The following OR51B5 variants were observed in gnomAD, a reference collection of about 807,000 sequenced individuals.
OR51B5 encodes olfactory receptor family 51 subfamily B member 5, also known as olfactory receptor 51B5.
For synonymous variants in OR51B5, 186 were observed against 144.8 expected, an observed-to-expected ratio of 1.28 and a Z score of -2.04; for missense variants, 456 against 374.6, an observed-to-expected ratio of 1.22 and a Z score of -1.79.
At chr11:5,468,590 A>C (rs1314752306) in intron 1 of OR51B5, 1 of 446,374 alleles carries the variant, frequency 2.2e-6, no homozygotes, top group Non-Finnish European at 4.5e-6. Context: ...AAGAGACATG[A>C]ACTTGTGCAC....
rs1435161376 is a variant in OR51B5, at chr11:5,422,881, C to A, written n.85-75971G>T. 4.3e-6 allele frequency: 7 copies of A among 1,614,108 alleles called. No homozygotes were observed. The East Asian group carries it at 1.3e-4, about 31-fold the overall frequency. ...CCTATACACTTATTCTGAAAAATAT[C>A]TTGGGCACAGCCACCTGGGCTGAGC... On this transcript the variant is annotated intron_variant and non_coding_transcript_variant, in intron 1 of 4. Coordinates refer to the OR51B5 transcript ENST00000415970.
chr11:5,431,964 C>T (rs959286252), intron 1 of OR51B5, among the ~76,000 whole-genome samples: 1 of 152,106 alleles, frequency 6.6e-6, no homozygotes, highest in Non-Finnish European at 1.5e-5. Flanking sequence ...AATGTATAAT[C>T]GTCAAGTCGA....
At chr11:5,389,373 T>C in intron 1 of OR51B5, 5 of 1,601,858 alleles carry the variant, frequency 3.1e-6, no homozygotes, top group Non-Finnish European at 4.3e-6. Flanking sequence ...GAAATATCCA[T>C]TTATTTTCAG....
chr11:5,353,130 G>A (rs1189667471), intron 1 of OR51B5, among the ~76,000 whole-genome samples: 2 of 151,988 alleles, frequency 1.3e-5, no homozygotes, highest in African/African-American at 4.8e-5. Context: ...TTCAATGAGA[G>A]TAAGCCATTT....
intron 1 of OR51B5, among the ~76,000 whole-genome samples, chr11:5,388,244 A>T (rs908773794): frequency 1.3e-5 from 2 of 152,120 alleles, no homozygotes; most frequent in African/African-American, 4.8e-5. Context: ...TATTAAAATT[A>T]AAAAAGAGAC....
At chr11:5,480,685 G>C (rs1005713904) in intron 1 of OR51B5, among the ~76,000 whole-genome samples, 4 of 151,110 alleles carry the variant, frequency 2.6e-5, no homozygotes, top group African/African-American at 7.3e-5. Flanking sequence ...TATCACCACC[G>C]ATCCCACAGA....
intron 1 of OR51B5, among the ~76,000 whole-genome samples, chr11:5,399,522 C>T (rs867550290): frequency 2.0e-5 from 3 of 152,120 alleles, no homozygotes; most frequent in Middle Eastern, 3.2e-3. Context: ...GATTCACCTC[C>T]AATTCTGTCC....
At chr11:5,378,280 C>T (rs1849558233) in intron 1 of OR51B5, among the ~76,000 whole-genome samples, 1 of 152,038 alleles carries the variant, frequency 6.6e-6, no homozygotes, top group African/African-American at 2.4e-5. Flanking sequence ...GAAACTGGAT[C>T]CCTTCCTTAC....
intron 1 of OR51B5, among the ~76,000 whole-genome samples, chr11:5,384,141 A>AT (rs915073091): frequency 4.0e-5 from 6 of 151,540 alleles, no homozygotes; most frequent in South Asian, 2.1e-4. Flanking sequence ...GCCTAATGGG[A>AT]TTTTTTTTTC....
At chr11:5,422,995 C>T (rs1410091789) in intron 1 of OR51B5, 6 of 1,614,134 alleles carry the variant, frequency 3.7e-6, no homozygotes, top group South Asian at 1.1e-5. Context: ...TGACTCATCG[C>T]TTTGCCAAGC....
At chr11:5,450,585 T>C (rs1388267661) in intron 1 of OR51B5, among the ~76,000 whole-genome samples, 3 of 152,298 alleles carry the variant, frequency 2.0e-5, no homozygotes, top group Admixed American at 2.0e-4. Flanking sequence ...GTTCCAGGAA[T>C]AGGAGAATTT....
At chr11:5,457,623 A>T (rs1407637204) in intron 1 of OR51B5, among the ~76,000 whole-genome samples, 1 of 152,158 alleles carries the variant, frequency 6.6e-6, no homozygotes, top group African/African-American at 2.4e-5. Context: ...CAACCTCACC[A>T]GCATCTGTAA....
At chr11:5,448,693 C>A (rs185202405) in intron 1 of OR51B5, among the ~76,000 whole-genome samples, 3 of 152,308 alleles carry the variant, frequency 2.0e-5, no homozygotes, top group Admixed American at 6.5e-5. Context: ...AACATGACAA[C>A]AACTAACTGC....
At chr11:5,380,087 G>A (rs985516334) in intron 1 of OR51B5, among the ~76,000 whole-genome samples, 24 of 152,246 alleles carry the variant, frequency 1.6e-4, no homozygotes, top group Middle Eastern at 3.4e-3. Context: ...GGAGTGGGGA[G>A]AAGAGATGGT....
intron 1 of OR51B5, among the ~76,000 whole-genome samples, chr11:5,371,320 A>T (rs1435783188): frequency 6.6e-6 from 1 of 152,190 alleles, no homozygotes; most frequent in East Asian, 1.9e-4. Flanking sequence ...AAAATTGAAC[A>T]TATAATTCTC....
At chr11:5,403,686 A>C in intron 1 of OR51B5, 1 of 365,658 alleles carries the variant, frequency 2.7e-6, no homozygotes, top group Non-Finnish European at 5.4e-6. Flanking sequence ...TAGTCTGTCC[A>C]TGAACTGAGG....
intron 1 of OR51B5, among the ~76,000 whole-genome samples, chr11:5,387,563 C>T (rs986696542): frequency 6.6e-6 from 1 of 152,100 alleles, no homozygotes; most frequent in African/African-American, 2.4e-5. Context: ...GCTTGCGTGA[C>T]CTGCAAGATC....
upstream of OR51B5, chr11:5,343,594 G>A (rs1848941993): frequency 1.7e-6 from 1 of 604,576 alleles, no homozygotes; most frequent in South Asian, 2.2e-5. Context: ...TACCTTCAAG[G>A]TATCACTTCG....
intron 1 of OR51B5, among the ~76,000 whole-genome samples, chr11:5,396,471 GA>G (rs900234967): frequency 3.9e-5 from 6 of 152,088 alleles, no homozygotes; most frequent in Non-Finnish European, 7.4e-5. Context: ...GCTTCAGAGA[GA>G]ATATAATACC....
Sources: gnomAD v4.1 joint callset for allele counts (sites outside exome capture counted in the v4.1 genomes callset) on GRCh38, gnomAD v4.1.1 for gene constraint, MANE v1.5 for transcripts, NCBI Gene and HGNC (gene_info 2026-07-23, HGNC 2026-07-21) for gene names.